FANCD2: variants seen among roughly 807,000 people sequenced by gnomAD.
FANCD2 encodes the protein Fanconi anemia group D2 protein.
In FANCD2, 131 loss-of-function variants were observed where a neutral mutation model predicts 192.3. The ratio of observed to expected loss-of-function variants is 0.68; its 90% CI spans 0.59 to 0.79. The LOEUF is 0.79. Ranked by LOEUF, FANCD2 falls within the 30% of genes least tolerant of loss-of-function variation. The pLI, the probability that FANCD2 is intolerant of heterozygous loss-of-function variation, is 0.00. For missense variants in FANCD2, 1,508 were observed against 1,701.6 expected (o/e 0.89, Z 2.00); for synonymous variants, 524 against 612.5 (o/e 0.86, Z 2.13).
chr3:10,036,700 A>G (rs1018903273), intron 7 of FANCD2, among the ~76,000 whole-genome samples: 3 of 149,370 alleles, frequency 2.0e-5, no homozygotes, highest in Admixed American at 2.0e-4. Context: ...TTTTTTTTTT[A>G]AGTATCTGTT....
chr3:10,099,946 A>G (rs1446916420), intron 43 of FANCD2, among the ~76,000 whole-genome samples: 1 of 152,302 alleles, frequency 6.6e-6, no homozygotes, highest in African/African-American at 2.4e-5. Flanking sequence ...CTGTAATCGT[A>G]GCACTTTGTG....
At chr3:10,042,070 G>A (rs1325050986) in intron 10 of FANCD2, among the ~76,000 whole-genome samples, 2 of 152,082 alleles carry the variant, frequency 1.3e-5, no homozygotes, top group South Asian at 2.1e-4. Context: ...GCTAATTTTT[G>A]TATTTTTAGT....
intron 34 of FANCD2, 45 bp downstream of exon 34, chr3:10,087,309 G>A (rs2125073433): frequency 6.7e-7 from 1 of 1,489,392 alleles, no homozygotes; most frequent in South Asian, 1.2e-5. Flanking sequence ...TTAATGAATA[G>A]GACTAATATC....
chr3:10,084,372 A>G (rs1694049423), intron 32 of FANCD2, among the ~76,000 whole-genome samples: 1 of 149,996 alleles, frequency 6.7e-6, no homozygotes, highest in Non-Finnish European at 1.5e-5. Flanking sequence ...GCTCACTGCA[A>G]CCTCTGACTC....
intron 18 of FANCD2, among the ~76,000 whole-genome samples, chr3:10,054,579 G>C (rs2087351070): frequency 7.6e-6 from 1 of 132,192 alleles, no homozygotes; most frequent in Non-Finnish European, 1.5e-5. Context: ...CGCCTCCCAG[G>C]TTCCCGCCAT....
intron 43 of FANCD2, among the ~76,000 whole-genome samples, 158 bp from the exon 44 acceptor site, chr3:10,101,030 C>T (rs1341266853): frequency 6.6e-6 from 1 of 151,560 alleles, no homozygotes; most frequent in Non-Finnish European, 1.5e-5. Flanking sequence ...GATCATGCCA[C>T]TGCATTCCAG....
intron 42 of FANCD2, among the ~76,000 whole-genome samples, chr3:10,097,304 C>T (rs1418542278): frequency 3.3e-5 from 5 of 152,024 alleles, no homozygotes; most frequent in Admixed American, 1.3e-4. Flanking sequence ...ATTTATTAGG[C>T]GGGAATTTCC....
chr3:10,052,373 C>T lies in FANCD2; in HGVS notation c.1546-14C>T. The T allele has an allele frequency of 6.6e-7, 1 of 1,518,228 alleles. No individual in the cohort carries two copies. Among genetic ancestry groups the T allele is most frequent in the South Asian group, 1.1e-5 (1 of 89,104 alleles). The allele number at this position is 1,518,228 out of a possible 1,614,324, so 94.0% of individuals were successfully genotyped here. A position where few individuals can be genotyped will look rare whatever the true frequency, so the allele number is the denominator to read the frequency against. The stretch of plus-strand genomic sequence containing the variant: ...TAGCTGCTAGCCTCATTGTTGGCAT[C>T]ATTTTTTCCACAGGGCATTTTAGAT... On this transcript the variant is annotated splice_polypyrimidine_tract_variant and intron_variant, in intron 17 of 43. Coordinates refer to ENST00000675286, the MANE Select transcript of FANCD2 (RefSeq NM_001018115.3).
intron 29 of FANCD2, among the ~76,000 whole-genome samples, chr3:10,076,323 G>A (rs1458635472): frequency 3.3e-5 from 5 of 150,900 alleles, no homozygotes; most frequent in African/African-American, 1.2e-4. Flanking sequence ...GGCATTCAAA[G>A]TCATTTTTTA....
intron 6 of FANCD2, among the ~76,000 whole-genome samples, chr3:10,036,003 G>A (rs897565416): frequency 1.7e-4 from 26 of 151,490 alleles, no homozygotes; most frequent in Middle Eastern, 3.4e-3. Context: ...AGACATATTC[G>A]TGTGGATATC....
At chr3:10,081,936 C>T (rs1693863981) in intron 32 of FANCD2, among the ~76,000 whole-genome samples, 1 of 152,178 alleles carries the variant, frequency 6.6e-6, no homozygotes. Context: ...CCCTTAAATA[C>T]TTTTGTTCCT....
chr3:10,094,084 C>T (rs1188359652), intron 39 of FANCD2, among the ~76,000 whole-genome samples: 1 of 152,188 alleles, frequency 6.6e-6, no homozygotes, highest in African/African-American at 2.4e-5. Context: ...GTAAGTCTGC[C>T]TAATTCTGGG....
rs1256501033 is a variant in FANCD2, at chr3:10,101,777, A to G, written c.*515A>G. On this transcript the variant is annotated 3_prime_UTR_variant, in exon 44 of 44. Transcript: ENST00000675286. ...CCCTGGCTCAGGATTCTAATGTAGC[A>G]TTATTTATTGGTTTGGATAAACCCA... is the stretch of plus-strand genomic sequence containing the variant. 1.4e-5 allele frequency: 3 copies of G among 207,116 alleles called. No homozygotes were observed. Among genetic ancestry groups the G allele is most frequent in the Non-Finnish European group, 2.0e-5 (2 of 100,514 alleles). The allele number at this position is 207,116 out of a possible 1,614,324, so 12.8% of individuals were successfully genotyped here. A position where few individuals can be genotyped will look rare whatever the true frequency, so the allele number is the denominator to read the frequency against.
At chr3:10,093,890 G>A (rs1489557804) in intron 39 of FANCD2, among the ~76,000 whole-genome samples, 6 of 152,172 alleles carry the variant, frequency 3.9e-5, no homozygotes, top group African/African-American at 1.4e-4. Flanking sequence ...GTGGGAGATG[G>A]GCAAGTTGGA....
intron 2 of FANCD2, chr3:10,032,478 A>AG (rs1304145527): frequency 6.2e-5 from 5 of 81,172 alleles, no homozygotes; most frequent in Non-Finnish European, 1.0e-4. Context: ...ATGGGGGTGA[A>AG]GGGGGGGAGA....
intron 26 of FANCD2, among the ~76,000 whole-genome samples, chr3:10,068,596 C>G (rs1331133125): frequency 6.6e-6 from 1 of 151,322 alleles, no homozygotes; most frequent in African/African-American, 2.4e-5. Context: ...TCAAGGCAAT[C>G]CCTATTAAAA....
At chr3:10,027,677 G>A (rs563866026) in intron 1 of FANCD2, among the ~76,000 whole-genome samples, 1 of 152,096 alleles carries the variant, frequency 6.6e-6, no homozygotes, top group Non-Finnish European at 1.5e-5. Context: ...AGTCCGAGGC[G>A]GGCGGATTAT....
At chr3:10,093,244 A>G in intron 38 of FANCD2, 41 bp from the exon 39 acceptor site, 2 of 1,556,332 alleles carry the variant, frequency 1.3e-6, no homozygotes, top group Non-Finnish European at 1.8e-6. Context: ...TGCTCAAAGG[A>G]GCAGATCTCA....
intron 6 of FANCD2, among the ~76,000 whole-genome samples, chr3:10,036,082 A>ATTTTTTTTTTTTTTTTTTTT (rs781686867): frequency 3.9e-5 from 4 of 103,870 alleles, no homozygotes; most frequent in East Asian, 2.2e-4. Context: ...AGAATTATAC[A>ATTTTTTTTTTTTTTTTTTTT]TTTCTTTTTT....
Sources: allele counts gnomAD v4.1 joint callset (sites outside exome capture counted in the v4.1 genomes callset), GRCh38; gene constraint gnomAD v4.1.1; transcripts MANE v1.5; gene names NCBI Gene and HGNC (gene_info 2026-07-23, HGNC 2026-07-21).